Variants in MAP1LC3B observed in about 807,000 individuals in gnomAD.
The protein encoded by MAP1LC3B is microtubule associated protein 1 light chain 3 beta.
Under a neutral mutation model 16.7 loss-of-function variants are expected in MAP1LC3B, and 12 were observed. The ratio of observed to expected loss-of-function variants is 0.72; its 90% CI spans 0.46 to 1.16. MAP1LC3B has a LOEUF of 1.16. Among genes scored for constraint, MAP1LC3B ranks in the 50% most tolerant of loss-of-function variants. The pLI is 0.00. For synonymous variants in MAP1LC3B, 63 were observed against 56.5 expected, an observed-to-expected ratio of 1.11 and a Z score of -0.51; for missense variants, 155 against 159.5, an observed-to-expected ratio of 0.97 and a Z score of 0.15.
intron 2 of MAP1LC3B, among the ~76,000 whole-genome samples, chr16:87,399,851 G>T (rs1395670269): frequency 6.6e-6 from 1 of 152,008 alleles, no homozygotes; most frequent in Non-Finnish European, 1.5e-5. Flanking sequence ...TCGGCTCACT[G>T]CAACCTCCGC....
intron 1 of MAP1LC3B, among the ~76,000 whole-genome samples, chr16:87,397,432 C>T (rs1207565825): frequency 2.0e-5 from 3 of 152,042 alleles, no homozygotes; most frequent in Non-Finnish European, 4.4e-5. Context: ...TCCTGGTTAA[C>T]AGGGTGAAAC....
At chr16:87,398,943 G>C (rs1199577905) in intron 2 of MAP1LC3B, 73 bp downstream of exon 2, 2 of 1,361,912 alleles carry the variant, frequency 1.5e-6, no homozygotes, top group African/African-American at 1.4e-5. Flanking sequence ...GCATCCACTT[G>C]ACGGGTTTTT....
chr16:87,398,774 C>G (rs745582771), intron 1 of MAP1LC3B, 41 bp from the exon 2 acceptor site: 82 of 1,594,912 alleles, frequency 5.1e-5, no homozygotes, highest in Non-Finnish European at 6.9e-5. Flanking sequence ...AAGAAGCTGC[C>G]TGGCCCTTAG....
Position 87,392,474 on chromosome 16 carries a change from G to A in MAP1LC3B, c.40+7G>A. 1 of 1,320,688 alleles carries A rather than the reference G, an allele frequency of 7.6e-7. No individual in the cohort carries two copies. The highest frequency in any genetic ancestry group is 2.1e-5 in the South Asian group (1 of 48,250). 81.8% of individuals were successfully genotyped at this position (1,320,688 alleles called of 1,614,324 possible). On this transcript the variant is annotated splice_region_variant and intron_variant, in intron 1 of 3. Transcript: ENST00000268607. ...AAGCAGCGCCGCACCTTCGGTGAGT[G>A]TCGCCGCGAGGGCGGCGGGTGCGGC...
At chr16:87,399,429 A>G (rs1907909822) in intron 2 of MAP1LC3B, 1 of 315,586 alleles carries the variant, frequency 3.2e-6, no homozygotes, top group Admixed American at 4.5e-5. Context: ...TCCGCTAGAT[A>G]AAGCTCTCAA....
Position 87,403,357 on chromosome 16 carries a change from C to T in MAP1LC3B, c.*260C>T. 1 of 303,318 alleles carries T rather than the reference C, an allele frequency of 3.3e-6. No individual in the cohort carries two copies. The highest frequency in any genetic ancestry group is 6.4e-6 in the Non-Finnish European group (1 of 155,688). The allele number at this position is 303,318 out of a possible 1,614,324, so 18.8% of individuals were successfully genotyped here. On this transcript the variant is annotated 3_prime_UTR_variant, in exon 4 of 4. Coordinates refer to ENST00000268607, the MANE Select transcript of MAP1LC3B (RefSeq NM_022818.5). ...ATTTTAAAAGTTTAAAAATAAAATA[C>T]TTTGCATTCTAAGTTGCCAATAAAA...
chr16:87,402,291 C>A lies in MAP1LC3B; in HGVS notation c.203+10C>A. The A allele has an allele frequency of 6.2e-7, 1 of 1,609,872 alleles. No individual in the cohort carries two copies. The highest frequency in any genetic ancestry group is 2.2e-5 in the East Asian group (1 of 44,878). On this transcript the variant is annotated intron_variant, in intron 3 of 3. Transcript: ENST00000268607. ...TCATCAAGATAATTAGGTATTCAGTCACCTTTGTTTCATAATATATTTCCT... is the reference window on the plus strand; with the variant it reads ...TCATCAAGATAATTAGGTATTCAGTAACCTTTGTTTCATAATATATTTCCT...
chr16:87,400,776 C>G (rs1254379365), intron 2 of MAP1LC3B, among the ~76,000 whole-genome samples: 2 of 151,588 alleles, frequency 1.3e-5, no homozygotes, highest in Non-Finnish European at 2.9e-5. Flanking sequence ...AGCCTCACCT[C>G]CTTATGCACC....
At position 87,404,278 on chromosome 16, in the gene MAP1LC3B, T is replaced by A. The variant is rs1908098592; in HGVS notation, c.*1181T>A. 1 of 150,782 alleles carries A rather than the reference T, an allele frequency of 6.6e-6. No homozygotes were observed. The highest frequency in any genetic ancestry group is 1.5e-5 in the Non-Finnish European group (1 of 68,046). 9.3% of individuals were successfully genotyped at this position (150,782 alleles called of 1,614,324 possible). On this transcript the variant is annotated 3_prime_UTR_variant, in exon 4 of 4. Transcript: ENST00000268607. ...CCAGTACTTGCATGGGGTTCACTAT[T>A]TATAGTTTTCTTGGGAGTATCACAG...
intron 1 of MAP1LC3B, among the ~76,000 whole-genome samples, chr16:87,396,474 CAAA>C (rs772843080): frequency 9.4e-6 from 1 of 106,286 alleles, no homozygotes; most frequent in Non-Finnish European, 2.0e-5. Context: ...GACTCCATCT[CAAA>C]AAAAAAAAAA....
At chr16:87,396,141 G>A (rs112026216) in intron 1 of MAP1LC3B, among the ~76,000 whole-genome samples, 15,923 of 151,520 alleles carry the variant, frequency 0.11, 2,732 homozygotes, top group African/African-American at 0.36. Flanking sequence ...GTTTACGAGC[G>A]TGAGCCACCG....
chr16:87,402,051 G>C, intron 2 of MAP1LC3B, 124 bp from the exon 3 acceptor site: 1 of 751,798 alleles, frequency 1.3e-6, no homozygotes. Flanking sequence ...TAGCCAGGGT[G>C]GTCTCAGTCT....
chr16:87,399,789 T>C (rs1255145229), intron 2 of MAP1LC3B: 1 of 307,152 alleles, frequency 3.3e-6, no homozygotes, highest in Non-Finnish European at 6.4e-6. Flanking sequence ...ATTTATTTAT[T>C]TTGAGACGGA....
rs1372311795 is a variant in MAP1LC3B, at chr16:87,403,887, G to A, written c.*790G>A. 4 of 152,268 alleles carry A rather than the reference G, an allele frequency of 2.6e-5. No individual in the cohort carries two copies. Among genetic ancestry groups the A allele is most frequent in the African/African-American group, 4.8e-5 (2 of 41,470 alleles). The allele number at this position is 152,268 out of a possible 1,614,324, so 9.4% of individuals were successfully genotyped here. A position where few individuals can be genotyped will look rare whatever the true frequency, so the allele number is the denominator to read the frequency against. ...TTTGTCTGAGTTCAAACTAGTGCCT[G>A]TGTTGTTACGGAAAGCAGCAGTGTA... On this transcript the variant is annotated 3_prime_UTR_variant, in exon 4 of 4. Coordinates refer to ENST00000268607, the MANE Select transcript of MAP1LC3B (RefSeq NM_022818.5).
At chr16:87,397,938 G>C (rs1907862780) in intron 1 of MAP1LC3B, among the ~76,000 whole-genome samples, 1 of 151,418 alleles carries the variant, frequency 6.6e-6, no homozygotes, top group East Asian at 1.9e-4. Context: ...AACTGGACTT[G>C]GCTTGTTTTT....
intron 2 of MAP1LC3B, among the ~76,000 whole-genome samples, chr16:87,400,719 T>C (rs970750196): frequency 6.6e-6 from 1 of 151,636 alleles, no homozygotes; most frequent in Admixed American, 6.6e-5. Context: ...TTTTTTTTTT[T>C]AATGGATGAA....
At chr16:87,401,085 A>G (rs1907976686) in intron 2 of MAP1LC3B, among the ~76,000 whole-genome samples, 1 of 147,762 alleles carries the variant, frequency 6.8e-6, no homozygotes, top group African/African-American at 2.5e-5. Flanking sequence ...GTGAGCCAAG[A>G]TCGTGCCACT....
At chr16:87,392,602 G>T in intron 1 of MAP1LC3B, 135 bp downstream of exon 1, 1 of 864,830 alleles carries the variant, frequency 1.2e-6, no homozygotes, top group Non-Finnish European at 1.5e-6. Context: ...CCGGCCGGCG[G>T]GGCCGAGGGA....
chr16:87,399,951 T>C (rs891666870), intron 2 of MAP1LC3B: 1 of 181,766 alleles, frequency 5.5e-6, no homozygotes, highest in African/African-American at 2.4e-5. Flanking sequence ...TTTTTGTATT[T>C]TTAGTAGAGA....
Sources: gnomAD v4.1 joint callset for allele counts (sites outside exome capture counted in the v4.1 genomes callset) on GRCh38, gnomAD v4.1.1 for gene constraint, MANE v1.5 for transcripts, NCBI Gene and HGNC (gene_info 2026-07-23, HGNC 2026-07-21) for gene names.